The following CNTFR variants were observed in gnomAD, a reference collection of about 807,000 sequenced individuals.
The protein encoded by CNTFR is ciliary neurotrophic factor receptor, also known as ciliary neurotrophic factor receptor subunit alpha.
Under a neutral mutation model 40.4 loss-of-function variants are expected in CNTFR, and 12 were observed. The observed-to-expected ratio is 0.30, with a 90% CI of 0.19 to 0.48. The LOEUF (loss-of-function observed/expected upper bound fraction) is 0.48, where lower values mean the gene tolerates loss of function less well. Ranked by LOEUF, CNTFR falls within the 20% of genes least tolerant of loss-of-function variation. CNTFR has a pLI of 0.99. For synonymous variants in CNTFR, 202 were observed against 209.6 expected (o/e 0.96, Z 0.31); for missense variants, 414 against 506.8 (o/e 0.82, Z 1.76).
Position 34,551,780 on chromosome 9 carries a change from G to A in CNTFR, c.*291C>T, listed in dbSNP as rs1456383744. The A allele has an allele frequency of 5.1e-6, 3 of 589,302 alleles. No individual in the cohort carries two copies. The highest frequency in any genetic ancestry group is 9.1e-6 in the Non-Finnish European group (3 of 330,358). The allele number at this position is 589,302 out of a possible 1,614,324, so 36.5% of individuals were successfully genotyped here. On this transcript the variant is annotated 3_prime_UTR_variant, in exon 10 of 10. Transcript: ENST00000378980. ...CCCCTCACGTCCCCCAAGGGCTCCTGGGAGTCGCTGGCATTGGAGGGTCCA... is the reference window on the plus strand; with the variant it reads ...CCCCTCACGTCCCCCAAGGGCTCCTAGGAGTCGCTGGCATTGGAGGGTCCA...
intron 1 of CNTFR, among the ~76,000 whole-genome samples, chr9:34,585,276 G>A (rs1047263449): frequency 6.6e-6 from 1 of 152,150 alleles, no homozygotes; most frequent in African/African-American, 2.4e-5. Context: ...ACCTTCCTGG[G>A]TGTCACGTGG....
chr9:34,567,939 G>T (rs1385693163), intron 3 of CNTFR: 1 of 152,228 alleles, frequency 6.6e-6, no homozygotes, highest in Non-Finnish European at 1.5e-5. Context: ...GGCTGGCCAG[G>T]ATCTCTCCGG....
intron 1 of CNTFR, chr9:34,582,492 C>A (rs1263328682): frequency 6.6e-6 from 1 of 152,134 alleles, no homozygotes; most frequent in African/African-American, 2.4e-5. Context: ...TTCTATAAGA[C>A]CCCAGGAGAT....
chr9:34,557,378 C>T lies in CNTFR; in HGVS notation c.604+148G>A, dbSNP rs563543000. The T allele has an allele frequency of 2.4e-5, 20 of 821,774 alleles. No homozygotes were observed. In the African/African-American group the frequency reaches 2.9e-4, roughly 12 times the overall value. 50.9% of individuals were successfully genotyped at this position (821,774 alleles called of 1,614,324 possible). On this transcript the variant is annotated intron_variant, in intron 6 of 9. Coordinates refer to ENST00000378980, the MANE Select transcript of CNTFR (RefSeq NM_147164.3). The surrounding 1 kb of genome is among the most constrained non-coding windows in gnomAD (Gnocchi z 4.2). The stretch of plus-strand genomic sequence containing the variant: ...GGTGTATATGTCATGCATATATGTG[C>T]ACATATATGTGCACTGTACATACCT...
chr9:34,588,313 C>G (rs1029478721), intron 1 of CNTFR, among the ~76,000 whole-genome samples: 3 of 152,140 alleles, frequency 2.0e-5, no homozygotes, highest in East Asian at 1.9e-4. Flanking sequence ...AGCCCCATTC[C>G]CACACGTGTA....
At chr9:34,576,820 A>G (rs1045940603) in intron 2 of CNTFR, among the ~76,000 whole-genome samples, 6 of 152,202 alleles carry the variant, frequency 3.9e-5, no homozygotes, top group Admixed American at 2.0e-4. Flanking sequence ...CACGATGCGG[A>G]TCGGCAGCAG....
chr9:34,571,038 C>T (rs1408184335), intron 2 of CNTFR, among the ~76,000 whole-genome samples: 1 of 152,158 alleles, frequency 6.6e-6, no homozygotes, highest in East Asian at 1.9e-4. Flanking sequence ...CCCAGCTACC[C>T]TTTGCGCATC....
chr9:34,564,755 C>T lies in CNTFR; in HGVS notation c.163G>A (p.Val55Met), dbSNP rs765803016. ...TCTGTCCCATTTACCCGCCACGTCA[C>T]CGCAGCATCCCAGTTTGCTGTCCCA... ...PCGTANWDAA[V>M]TWRVNGTDLA... The change falls in exon 4 of 10, where the codon GTG becomes ATG. Residue 55 changes from valine to methionine, a missense_variant. Physicochemically the swap from Val to Met is conservative, Grantham distance 21. This residue lies in a region of CNTFR where 250 missense variants were observed against 269.5 expected (regional missense o/e 0.93). Transcript: ENST00000378980. The T allele has an allele frequency of 1.2e-6, 2 of 1,614,144 alleles. No individual in the cohort carries two copies. The highest frequency in any genetic ancestry group is 1.1e-5 in the South Asian group (1 of 91,068).
At chr9:34,574,305 C>T (rs1046939519) in intron 2 of CNTFR, among the ~76,000 whole-genome samples, 1 of 152,184 alleles carries the variant, frequency 6.6e-6, no homozygotes, top group Admixed American at 6.5e-5. Context: ...CTCCTGTCTC[C>T]GAATCTCTGA....
At chr9:34,577,810 G>A (rs1484031086) in intron 2 of CNTFR, among the ~76,000 whole-genome samples, 3 of 151,214 alleles carry the variant, frequency 2.0e-5, no homozygotes, top group Non-Finnish European at 4.4e-5. Context: ...TGCAGAGGCA[G>A]GGGGGCTGGG....
At chr9:34,588,625 A>G (rs1827637845) in intron 1 of CNTFR, among the ~76,000 whole-genome samples, 1 of 152,072 alleles carries the variant, frequency 6.6e-6, no homozygotes, top group Non-Finnish European at 1.5e-5. Flanking sequence ...GAGAGACTAG[A>G]CGGAAAGAAA....
rs1827680863 is a variant in CNTFR at position 34,589,344 on chromosome 9, AC to A, written c.-112+210del. Among the ~76,000 whole-genome samples, 1 of 151,510 alleles carries A rather than the reference AC, an allele frequency of 6.6e-6. No homozygotes were observed. The highest frequency in any genetic ancestry group is 6.6e-5 in the Admixed American group (1 of 15,266). On this transcript the variant is annotated intron_variant, in intron 1 of 9. Transcript: ENST00000378980. The surrounding 1 kb of genome is among the most constrained non-coding windows in gnomAD (Gnocchi z 4.4). ...GGCCCCACCACCACCACCACGCCCA[AC>A]CCCCGGAGCGCCCGGACGTGGGGGG...
chr9:34,552,883 G>C lies in CNTFR; in HGVS notation c.769-29C>G. On this transcript the variant is annotated intron_variant, in intron 7 of 9. Transcript: ENST00000378980. This position sits in a 1 kb window ranked among gnomAD's most constrained non-coding sequence, Gnocchi z 5.1. ...CAGCCAGACCATGGGGTGGGGGTAA[G>C]GACACACCTGGGGGCCAGGAGGGTG... is the stretch of plus-strand genomic sequence containing the variant. 1 of 1,602,050 alleles carries C rather than the reference G, an allele frequency of 6.2e-7. No individual in the cohort carries two copies. The highest frequency in any genetic ancestry group is 8.5e-7 in the Non-Finnish European group (1 of 1,178,270).
intron 7 of CNTFR, among the ~76,000 whole-genome samples, chr9:34,555,779 T>G (rs1012298750): frequency 1.3e-5 from 2 of 151,912 alleles, no homozygotes; most frequent in African/African-American, 4.8e-5. Context: ...CACGTTCCTG[T>G]CCCTTGGGGC....
intron 1 of CNTFR, among the ~76,000 whole-genome samples, chr9:34,583,533 T>C (rs148375810): frequency 2.0e-5 from 3 of 152,270 alleles, no homozygotes; most frequent in Non-Finnish European, 4.4e-5. Context: ...CCCACTTGTA[T>C]ACCCTCAAGC....
At chr9:34,579,860 C>G (rs1827197627) in intron 2 of CNTFR, among the ~76,000 whole-genome samples, 1 of 152,090 alleles carries the variant, frequency 6.6e-6, no homozygotes, top group African/African-American at 2.4e-5. Context: ...ACAGAACTGC[C>G]AAGTCCTCCC....
upstream of CNTFR, among the ~76,000 whole-genome samples, chr9:34,590,818 C>T (rs991952030): frequency 6.6e-6 from 1 of 152,222 alleles, no homozygotes; most frequent in Non-Finnish European, 1.5e-5. Context: ...GACAACCTGA[C>T]CAACTTCTGA....
At position 34,589,159 on chromosome 9, in the gene CNTFR, A is replaced by G. The variant is rs1827672759; in HGVS notation, c.-112+396T>C. 6.6e-6 allele frequency among the ~76,000 whole-genome samples: 1 copy of G among 152,006 alleles called. No individual in the cohort carries two copies. The highest frequency in any genetic ancestry group is 2.1e-4 in the South Asian group (1 of 4,818). On this transcript the variant is annotated intron_variant, in intron 1 of 9. Coordinates refer to ENST00000378980, the MANE Select transcript of CNTFR (RefSeq NM_147164.3). This position sits in a 1 kb window ranked among gnomAD's most constrained non-coding sequence, Gnocchi z 4.4. The stretch of plus-strand genomic sequence containing the variant: ...CATCCCCGGGCGCTTTGAAGTCCAG[A>G]TTTCTGCCCGAGAAAGAAGCCACCT...
At chr9:34,553,221 G>A (rs1441147912) in intron 7 of CNTFR, among the ~76,000 whole-genome samples, 1 of 152,142 alleles carries the variant, frequency 6.6e-6, no homozygotes, top group Non-Finnish European at 1.5e-5. Flanking sequence ...GCCTGGAGGT[G>A]GCAAGGGCAG....
Sources: allele counts gnomAD v4.1 joint callset (sites outside exome capture counted in the v4.1 genomes callset), GRCh38; gene constraint gnomAD v4.1.1; regional missense constraint gnomAD v4.1.1; non-coding constraint Gnocchi (gnomAD v3.1); transcripts MANE v1.5; gene names NCBI Gene and HGNC (gene_info 2026-07-23, HGNC 2026-07-21).